Variants in FOXK2 observed in about 807,000 individuals in gnomAD.
FOXK2 encodes the protein forkhead box K2.
FOXK2 carries 24 observed loss-of-function variants against 53.3 expected under a neutral mutation model. The observed-to-expected ratio is 0.45, with a 90% CI of 0.33 to 0.63. FOXK2 has a LOEUF of 0.63. Among genes scored for constraint, FOXK2 ranks in the 30% least tolerant of loss-of-function variants. The pLI, the probability that FOXK2 is intolerant of heterozygous loss-of-function variation, is 0.03. For missense variants in FOXK2, 952 were observed against 910.5 expected, an observed-to-expected ratio of 1.05 and a Z score of -0.59; for synonymous variants, 505 against 407.1, an observed-to-expected ratio of 1.24 and a Z score of -2.89.
At chr17:82,534,767 C>G (rs2044504655) in intron 1 of FOXK2, among the ~76,000 whole-genome samples, 1 of 152,224 alleles carries the variant, frequency 6.6e-6, no homozygotes, top group African/African-American at 2.4e-5. Context: ...AACATGTCCC[C>G]AGAAGTAATA....
At chr17:82,536,079 T>C (rs1445381840) in intron 1 of FOXK2, among the ~76,000 whole-genome samples, 3 of 152,056 alleles carry the variant, frequency 2.0e-5, no homozygotes, top group Non-Finnish European at 4.4e-5. Context: ...GGTTTCACCG[T>C]GTTGGCCAGG....
chr17:82,528,747 A>AC (rs1224815964), intron 1 of FOXK2, among the ~76,000 whole-genome samples: 3 of 152,332 alleles, frequency 2.0e-5, no homozygotes, highest in Non-Finnish European at 2.9e-5. Flanking sequence ...TGGGCTTCAA[A>AC]CGCCTCTGCT....
intron 1 of FOXK2, among the ~76,000 whole-genome samples, chr17:82,549,803 C>T (rs2044658983): frequency 6.6e-6 from 1 of 152,210 alleles, no homozygotes; most frequent in Admixed American, 6.5e-5. Context: ...AGCGGATCTG[C>T]CTGAGGACAT....
At chr17:82,523,907 A>T (rs1482136626) in intron 1 of FOXK2, among the ~76,000 whole-genome samples, 2 of 152,076 alleles carry the variant, frequency 1.3e-5, no homozygotes, top group Non-Finnish European at 2.9e-5. Context: ...GTAAAGGCCA[A>T]AGTATTATTA....
Position 82,571,736 on chromosome 17 carries a change from C to A in FOXK2, c.775C>A (p.Pro259Thr). ...GGDSPKDDSK[P>T]PYSYAQLIVQ... Reference sequence around the variant, plus strand: ...TTTTTAAATACAGGATGATTCAAAGCCGCCTTACTCCTACGCGCAGCTGAT... The same window carrying A: ...TTTTTAAATACAGGATGATTCAAAGACGCCTTACTCCTACGCGCAGCTGAT... The change falls in exon 4 of 9, where the codon CCG becomes ACG. Residue 259 changes from proline (P) to threonine (T), a missense_variant. Coordinates refer to ENST00000335255, the MANE Select transcript of FOXK2 (RefSeq NM_004514.4). The A allele has an allele frequency of 6.5e-7, 1 of 1,540,398 alleles. No homozygotes were observed.
chr17:82,527,465 C>T (rs1169014320), intron 1 of FOXK2, among the ~76,000 whole-genome samples: 4 of 151,840 alleles, frequency 2.6e-5, no homozygotes, highest in Non-Finnish European at 4.4e-5. Context: ...TCCGACTCTA[C>T]TAAAAATACA....
rs751659158 is a variant in FOXK2 at position 82,563,523 on chromosome 17, C to A, written c.589C>A (p.Leu197Met). 1 of 1,613,978 alleles carries A rather than the reference C, an allele frequency of 6.2e-7. No homozygotes were observed. The highest frequency in any genetic ancestry group is 1.7e-5 in the Admixed American group (1 of 60,002). Residue 197 changes from leucine to methionine, a missense_variant, in exon 2 of 9, where the codon CTG becomes ATG. Transcript: ENST00000335255. ...PDTMAHLISPLPSPTGTISAA... is the reference protein window; with the variant it reads ...PDTMAHLISPMPSPTGTISAA... ...CACCATGGCCCACCTCATCAGCCCT[C>A]TGCCCTCCCCCACGGGAACCATCAG...
At chr17:82,529,380 G>A (rs559598755) in intron 1 of FOXK2, among the ~76,000 whole-genome samples, 76 of 147,946 alleles carry the variant, frequency 5.1e-4, no homozygotes, top group African/African-American at 1.5e-3. Context: ...GTGCCACCAC[G>A]CCGGCTAATT....
At chr17:82,558,342 CGAAAA>C (rs1326483241) in intron 1 of FOXK2, among the ~76,000 whole-genome samples, 1 of 152,122 alleles carries the variant, frequency 6.6e-6, no homozygotes, top group Admixed American at 6.5e-5. Flanking sequence ...TGCCTGAAAA[CGAAAA>C]GGAAACAGAA....
At chr17:82,576,281 C>G (rs2143061503) in intron 4 of FOXK2, among the ~76,000 whole-genome samples, 1 of 151,760 alleles carries the variant, frequency 6.6e-6, no homozygotes, top group African/African-American at 2.4e-5. Flanking sequence ...GCGGGTTCGT[C>G]CACACCAGCG....
At chr17:82,555,805 G>A (rs112737720) in intron 1 of FOXK2, among the ~76,000 whole-genome samples, 20 of 147,422 alleles carry the variant, frequency 1.4e-4, no homozygotes, top group African/African-American at 3.7e-4. Flanking sequence ...GGAGAATGGC[G>A]TGAACCTGGG....
At chr17:82,544,969 T>TAA (rs397954125) in intron 1 of FOXK2, among the ~76,000 whole-genome samples, 1 of 145,034 alleles carries the variant, frequency 6.9e-6, no homozygotes, top group South Asian at 2.2e-4. Flanking sequence ...AAAAAATAAT[T>TAA]AAAAAAAAAA....
chr17:82,533,917 T>G (rs1020281186), intron 1 of FOXK2, among the ~76,000 whole-genome samples: 3 of 151,808 alleles, frequency 2.0e-5, no homozygotes, highest in African/African-American at 7.3e-5. Flanking sequence ...GAGGATCACT[T>G]GGGCCCAAGA....
rs1000731825 is a variant in FOXK2, at chr17:82,560,698, T to A, written c.420-2656T>A. Among the ~76,000 whole-genome samples, 22 of 152,324 alleles carry A rather than the reference T, an allele frequency of 1.4e-4. 1 individual carries two copies. In the South Asian group the frequency reaches 3.9e-3, roughly 27 times the overall value. ...TAGACCAAAAGATCGTTGTCTTAAA[T>A]ATATCATTTATAGACGAGATCAGGC... On this transcript the variant is annotated intron_variant, in intron 1 of 8. Coordinates refer to ENST00000335255, the MANE Select transcript of FOXK2 (RefSeq NM_004514.4).
At chr17:82,532,064 G>T (rs1190778702) in intron 1 of FOXK2, among the ~76,000 whole-genome samples, 1 of 152,040 alleles carries the variant, frequency 6.6e-6, no homozygotes, top group Non-Finnish European at 1.5e-5. Flanking sequence ...TGTCCAGGCT[G>T]GTCTTGAACT....
chr17:82,520,350 A>G (rs901577333), intron 1 of FOXK2, 43 bp downstream of exon 1: 27 of 1,233,692 alleles, frequency 2.2e-5, no homozygotes, highest in Non-Finnish European at 2.5e-5. Flanking sequence ...TGCGGCCTGC[A>G]GCGCCTGGCA....
intron 1 of FOXK2, among the ~76,000 whole-genome samples, chr17:82,533,698 C>T (rs1192102346): frequency 6.6e-6 from 1 of 152,052 alleles, no homozygotes; most frequent in Non-Finnish European, 1.5e-5. Flanking sequence ...TTTTCAGCTC[C>T]ATCATAATCT....
intron 8 of FOXK2, among the ~76,000 whole-genome samples, chr17:82,595,459 G>T (rs2045300272): frequency 6.6e-6 from 1 of 152,138 alleles, no homozygotes; most frequent in Non-Finnish European, 1.5e-5. Context: ...GTACAAACAT[G>T]TCCAGCTAAT....
chr17:82,588,807 T>C (rs2045223701), intron 8 of FOXK2, among the ~76,000 whole-genome samples: 1 of 150,978 alleles, frequency 6.6e-6, no homozygotes, highest in Admixed American at 6.6e-5. Context: ...TCCCAGCACT[T>C]TGGGAGGTCG....
Sources: gnomAD v4.1 joint callset for allele counts (sites outside exome capture counted in the v4.1 genomes callset) on GRCh38, gnomAD v4.1.1 for gene constraint, MANE v1.5 for transcripts, NCBI Gene and HGNC (gene_info 2026-07-23, HGNC 2026-07-21) for gene names.